Variants in TP63 observed in about 807,000 individuals in gnomAD.
TP63 encodes the protein tumor protein p63.
A neutral mutation model predicts 82.8 loss-of-function variants in TP63; 17 were observed. That is an observed-to-expected ratio of 0.21 (90% CI 0.14 to 0.31). The LOEUF (loss-of-function observed/expected upper bound fraction) is 0.31. Among genes scored for constraint, TP63 ranks in the 10% least tolerant of loss-of-function variants. The probability of loss-of-function intolerance (pLI) is 1.00; values close to 1 mark genes in which losing one functional copy is unlikely to be tolerated. For synonymous variants in TP63, 330 were observed against 321.7 expected (o/e 1.03, Z -0.28); for missense variants, 648 against 895.3 (o/e 0.72, Z 3.52).
At chr3:189,833,678 C>CT (rs10587481) in intron 4 of TP63, among the ~76,000 whole-genome samples, 56 of 147,216 alleles carry the variant, frequency 3.8e-4, no homozygotes, top group Admixed American at 8.8e-4. Flanking sequence ...TTCTCTCTCT[C>CT]TTTTTTTTTT....
chr3:189,798,169 G>A (rs1249900405), intron 3 of TP63, among the ~76,000 whole-genome samples: 10 of 151,994 alleles, frequency 6.6e-5, no homozygotes, highest in Non-Finnish European at 1.3e-4. Context: ...CTTCACCTAG[G>A]AATATATGGT....
At chr3:189,845,849 G>A (rs1714791207) in intron 4 of TP63, among the ~76,000 whole-genome samples, 1 of 151,574 alleles carries the variant, frequency 6.6e-6, no homozygotes, top group Non-Finnish European at 1.5e-5. Context: ...ATAGCCATGT[G>A]ATTTGAGATT....
In TP63 at chr3:189,808,406, C is replaced by T. The variant is rs1053010918; in HGVS notation, c.459C>T (p.Ser153=). Residue 153 remains serine (S), a synonymous_variant, in exon 4 of 14, where the codon AGC becomes AGT. Coordinates refer to ENST00000264731, the MANE Select transcript of TP63 (RefSeq NM_003722.5). ...CGCCCTCGCCCTACGCACAGCCCAG[C>T]TCCACCTTCGATGCTCTCTCTCCAT... ...VTAPSPYAQP[S]STFDALSPSP... 1 of 1,614,102 alleles carries T rather than the reference C, an allele frequency of 6.2e-7. No individual in the cohort carries two copies. The highest frequency in any genetic ancestry group is 1.3e-5 in the African/African-American group (1 of 74,938).
At chr3:189,617,084 G>A in the TP63 span, among the ~76,000 whole-genome samples, 1 of 152,182 alleles carries the variant, frequency 6.6e-6, no homozygotes, top group Admixed American at 6.5e-5. Context: ...ATCTGTAAAG[G>A]CTTCACTGAA....
At chr3:189,659,631 C>A (rs536078270) in intron 1 of TP63, among the ~76,000 whole-genome samples, 1 of 152,038 alleles carries the variant, frequency 6.6e-6, no homozygotes, top group East Asian at 1.9e-4. Flanking sequence ...TTTGAGAAAT[C>A]TCCTAATTGC....
intron 1 of TP63, among the ~76,000 whole-genome samples, chr3:189,674,419 C>T (rs554011929): frequency 1.3e-5 from 2 of 151,826 alleles, no homozygotes; most frequent in Non-Finnish European, 2.9e-5. Flanking sequence ...TTTATTCAGG[C>T]GATGATCCAG....
chr3:189,677,903 G>A lies in TP63; in HGVS notation c.62+46326G>A, dbSNP rs549415723. ...TGGACATCTGTGTATCTTCTGAAACGTGTCTGTTCATGTACTTTGCCCGTT... is the reference window on the plus strand; with the variant it reads ...TGGACATCTGTGTATCTTCTGAAACATGTCTGTTCATGTACTTTGCCCGTT... On this transcript the variant is annotated intron_variant, in intron 1 of 13. Transcript: ENST00000264731. Among the ~76,000 whole-genome samples, 5 of 152,042 alleles carry A rather than the reference G, an allele frequency of 3.3e-5. No homozygotes were observed. In the South Asian group the frequency reaches 6.2e-4, roughly 19 times the overall value.
chr3:189,775,239 A>AT (rs1241784262), intron 3 of TP63, among the ~76,000 whole-genome samples: 1 of 138,658 alleles, frequency 7.2e-6, no homozygotes, highest in African/African-American at 2.6e-5. Context: ...AAAAAAAAAA[A>AT]AAAGAAAGAA....
intron 3 of TP63, among the ~76,000 whole-genome samples, chr3:189,785,249 C>T (rs1328276997): frequency 3.9e-5 from 6 of 151,966 alleles, no homozygotes; most frequent in Middle Eastern, 3.4e-3. Flanking sequence ...TCTCTGTGTC[C>T]GTCTCATAAT....
At chr3:189,820,170 C>G (rs1728653620) in intron 4 of TP63, among the ~76,000 whole-genome samples, 1 of 152,212 alleles carries the variant, frequency 6.6e-6, no homozygotes, top group South Asian at 2.1e-4. Context: ...ATTTAGCAAA[C>G]ATTAACTCAT....
intron 1 of TP63, among the ~76,000 whole-genome samples, chr3:189,707,867 C>T (rs962027612): frequency 3.3e-5 from 5 of 152,048 alleles, no homozygotes; most frequent in African/African-American, 9.7e-5. Flanking sequence ...ATATTTTTGA[C>T]CACTAGCTAT....
At chr3:189,664,824 T>G (rs1282006524) in intron 1 of TP63, among the ~76,000 whole-genome samples, 1 of 152,160 alleles carries the variant, frequency 6.6e-6, no homozygotes, top group East Asian at 1.9e-4. Context: ...CCATAGCCTT[T>G]TATGTGTGTA....
At position 189,895,675 on chromosome 3, in the gene TP63, T is replaced by C. The variant is rs184547631; in HGVS notation, c.*1173T>C. 4.8e-5 allele frequency: 11 copies of C among 228,256 alleles called. No homozygotes were observed. The highest frequency in any genetic ancestry group is 2.8e-4 in the Admixed American group (5 of 17,642). 14.1% of individuals were successfully genotyped at this position (228,256 alleles called of 1,614,324 possible). On this transcript the variant is annotated 3_prime_UTR_variant, in exon 14 of 14. Transcript: ENST00000264731. ...TTGTAAAAATCTTTTGAAGCATAGA[T>C]AATATTGTTTGGTAAATGTTTCTTT...
intron 6 of TP63, 102 bp downstream of exon 6, chr3:189,866,899 C>T (rs1375296949): frequency 1.7e-5 from 16 of 925,394 alleles, no homozygotes; most frequent in Non-Finnish European, 2.3e-5. Flanking sequence ...GCATCTATCA[C>T]TGTCTTAGTT....
intron 3 of TP63, among the ~76,000 whole-genome samples, chr3:189,805,724 G>A (rs1210756787): frequency 6.6e-6 from 1 of 152,182 alleles, no homozygotes; most frequent in East Asian, 1.9e-4. Context: ...CAGTGAGTGT[G>A]CAAAGGAGCA....
chr3:189,740,404 G>A (rs907256939), intron 3 of TP63, among the ~76,000 whole-genome samples: 1 of 152,036 alleles, frequency 6.6e-6, no homozygotes, highest in African/African-American at 2.4e-5. Flanking sequence ...TCTCAGTCTT[G>A]GACTCATAAA....
chr3:189,715,041 G>T (rs956570926), intron 1 of TP63, among the ~76,000 whole-genome samples: 20 of 152,158 alleles, frequency 1.3e-4, no homozygotes, highest in Non-Finnish European at 8.8e-5. Flanking sequence ...TGCAATACAG[G>T]CAGGGTGCTT....
intron 1 of TP63, among the ~76,000 whole-genome samples, chr3:189,678,267 C>T (rs562110166): frequency 6.6e-6 from 1 of 152,062 alleles, no homozygotes; most frequent in East Asian, 1.9e-4. Context: ...TTAATTTTTG[C>T]ATATAGTAAA....
At chr3:189,786,832 G>A (rs1250964818) in intron 3 of TP63, among the ~76,000 whole-genome samples, 1 of 152,004 alleles carries the variant, frequency 6.6e-6, no homozygotes, top group Non-Finnish European at 1.5e-5. Context: ...GAAAAATGTA[G>A]ATAATAATAC....
Sources: gnomAD v4.1 joint callset for allele counts (sites outside exome capture counted in the v4.1 genomes callset) on GRCh38, gnomAD v4.1.1 for gene constraint, MANE v1.5 for transcripts, NCBI Gene and HGNC (gene_info 2026-07-23, HGNC 2026-07-21) for gene names.